Variants in ALDH1L1 observed in about 807,000 individuals in gnomAD.
ALDH1L1 encodes the protein cytosolic 10-formyltetrahydrofolate dehydrogenase.
In ALDH1L1, 68 loss-of-function variants were observed where a neutral mutation model predicts 101.1. The ratio of observed to expected loss-of-function variants is 0.67; its 90% confidence interval spans 0.55 to 0.82. ALDH1L1 has a LOEUF of 0.82. Ranked by LOEUF, ALDH1L1 falls within the 40% of genes least tolerant of loss-of-function variation. The pLI is 0.00. For synonymous variants in ALDH1L1, 486 were observed against 470.8 expected (o/e 1.03, Z -0.42); for missense variants, 1,087 against 1,172.7 (o/e 0.93, Z 1.07).
chr3:126,109,832 C>A (rs1236921509), intron 20 of ALDH1L1, 112 bp downstream of exon 20: 3 of 1,461,510 alleles, frequency 2.1e-6, no homozygotes, highest in Non-Finnish European at 2.8e-6. Flanking sequence ...TGCAGCCTGA[C>A]TGTGTAGGTA....
At chr3:126,127,960 A>T (rs2080222085) in intron 14 of ALDH1L1, among the ~76,000 whole-genome samples, 1 of 152,060 alleles carries the variant, frequency 6.6e-6, no homozygotes. Flanking sequence ...GATGCATCAC[A>T]GATGAGAGCT....
chr3:126,144,397 G>A (rs1158099305), intron 9 of ALDH1L1, among the ~76,000 whole-genome samples: 1 of 152,194 alleles, frequency 6.6e-6, no homozygotes, highest in Non-Finnish European at 1.5e-5. Context: ...ACTGTGAATA[G>A]TTCAAACAAT....
chr3:126,152,451 TA>T (rs1039136865), intron 7 of ALDH1L1: 5 of 152,256 alleles, frequency 3.3e-5, no homozygotes, highest in African/African-American at 7.2e-5. Context: ...CAATCTTGGA[TA>T]CCCAAAACAC....
In ALDH1L1 at chr3:126,125,678, G is replaced by A; in HGVS notation, c.1738C>T (p.Leu580=). The change falls in exon 15 of 23, where the codon CTG becomes TTG. Residue 580 remains leucine, a synonymous_variant. Transcript: ENST00000393434. ...AGGCAGGCAGCTGTCTTCCAGGACA[G>A]CATCATCAGGGGATAGTTCCAGGGG... The part of the protein sequence containing the change: ...IIPWNYPLMM[L]SWKTAACLAA... The A allele has an allele frequency of 1.9e-6, 3 of 1,598,244 alleles. No homozygotes were observed. The highest frequency in any genetic ancestry group is 1.1e-5 in the South Asian group (1 of 88,590).
chr3:126,177,337 G>A (rs2081380122), intron 1 of ALDH1L1, among the ~76,000 whole-genome samples: 1 of 152,090 alleles, frequency 6.6e-6, no homozygotes, highest in African/African-American at 2.4e-5. Context: ...ATAAACTGTG[G>A]TACCTCCACA....
chr3:126,174,135 T>G (rs1438291070), intron 1 of ALDH1L1, among the ~76,000 whole-genome samples: 2 of 151,958 alleles, frequency 1.3e-5, no homozygotes, highest in Non-Finnish European at 2.9e-5. Flanking sequence ...GCCTCCCGGG[T>G]TCAAGCAATT....
In ALDH1L1 at chr3:126,131,546, G is replaced by A; in HGVS notation, c.1473-12C>T. On this transcript the variant is annotated splice_polypyrimidine_tract_variant and intron_variant, in intron 12 of 22. Transcript: ENST00000393434. Reference sequence around the variant, plus strand: ...TGAGATCTGCCAACCTGACCAGGGTGAGGGGAAGCGGGAGGTGGGCTCAGG... The same window carrying A: ...TGAGATCTGCCAACCTGACCAGGGTAAGGGGAAGCGGGAGGTGGGCTCAGG... 1.3e-6 allele frequency: 2 copies of A among 1,597,076 alleles called. No individual in the cohort carries two copies. Among genetic ancestry groups the A allele is most frequent in the Non-Finnish European group, 1.7e-6 (2 of 1,166,452 alleles).
chr3:126,127,537 G>C (rs1007576286), intron 14 of ALDH1L1, among the ~76,000 whole-genome samples: 17 of 152,262 alleles, frequency 1.1e-4, no homozygotes, highest in African/African-American at 4.1e-4. Flanking sequence ...GCCTGGGCAG[G>C]GGACACCAAG....
At chr3:126,114,445 C>T in intron 18 of ALDH1L1, 112 bp downstream of exon 18, 1 of 853,352 alleles carries the variant, frequency 1.2e-6, no homozygotes, top group Non-Finnish European at 1.7e-6. Flanking sequence ...GCTATGGACT[C>T]CACCAGGGCT....
chr3:126,162,567 T>G (rs2081082267), intron 1 of ALDH1L1, among the ~76,000 whole-genome samples: 1 of 152,234 alleles, frequency 6.6e-6, no homozygotes, highest in Non-Finnish European at 1.5e-5. Flanking sequence ...CTCTGTTTTG[T>G]TTTTTAATCA....
intron 12 of ALDH1L1, among the ~76,000 whole-genome samples, chr3:126,133,732 C>T (rs953537739): frequency 7.2e-5 from 11 of 152,220 alleles, no homozygotes; most frequent in Admixed American, 2.0e-4. Context: ...CTGCTGCCAT[C>T]TCCCTCTGAA....
chr3:126,135,737 C>A, intron 11 of ALDH1L1, 75 bp from the exon 12 acceptor site: 3 of 1,435,144 alleles, frequency 2.1e-6, no homozygotes, highest in South Asian at 3.1e-5. Context: ...GCTTCCCTGG[C>A]CTCCTCCTGG....
At chr3:126,185,794 AT>A (rs1265732018), upstream of ALDH1L1, among the ~76,000 whole-genome samples, 4 of 152,172 alleles carry the variant, frequency 2.6e-5, no homozygotes, top group African/African-American at 9.7e-5. Flanking sequence ...TTAGATTCTC[AT>A]TTTCTTATTT....
chr3:126,142,999 T>C (rs2080596554), intron 9 of ALDH1L1, among the ~76,000 whole-genome samples: 1 of 152,226 alleles, frequency 6.6e-6, no homozygotes, highest in Non-Finnish European at 1.5e-5. Flanking sequence ...ATGCATTTAA[T>C]ATACCTAACA....
intron 1 of ALDH1L1, among the ~76,000 whole-genome samples, chr3:126,195,844 C>T (rs570877490): frequency 6.6e-6 from 1 of 152,278 alleles, no homozygotes; most frequent in South Asian, 2.1e-4. Flanking sequence ...CCATCATTCT[C>T]AGCAAACTAT....
intron 7 of ALDH1L1, chr3:126,152,058 G>A (rs1227778736): frequency 6.6e-6 from 1 of 152,488 alleles, no homozygotes; most frequent in African/African-American, 2.4e-5. Context: ...CTGCAGCAAG[G>A]GCTGGATGAT....
intron 21 of ALDH1L1, among the ~76,000 whole-genome samples, chr3:126,106,475 GC>G: frequency 6.6e-6 from 1 of 152,298 alleles, no homozygotes; most frequent in Non-Finnish European, 1.5e-5. Context: ...GGCCTCAGTG[GC>G]CCCACTGTGA....
At chr3:126,194,441 A>G (rs1294085080) in intron 1 of ALDH1L1, among the ~76,000 whole-genome samples, 1 of 152,228 alleles carries the variant, frequency 6.6e-6, no homozygotes, top group South Asian at 2.1e-4. Context: ...AGCCTATCAA[A>G]TATGTTAAAG....
intron 2 of ALDH1L1, among the ~76,000 whole-genome samples, chr3:126,158,908 C>T (rs113443070): frequency 0.01 from 1,559 of 152,300 alleles, 14 homozygotes; most frequent in Non-Finnish European, 0.016. Flanking sequence ...GACCTCTGCC[C>T]TCATTCCTCT....
Sources: allele counts gnomAD v4.1 joint callset (sites outside exome capture counted in the v4.1 genomes callset), GRCh38; gene constraint gnomAD v4.1.1; transcripts MANE v1.5; gene names NCBI Gene and HGNC (gene_info 2026-07-23, HGNC 2026-07-21).